The following ZNF462 variants were observed in gnomAD, a reference collection of about 807,000 sequenced individuals.
ZNF462 encodes zinc finger protein 462, also known as zinc finger PBX1-interacting protein.
Under a neutral mutation model 201.9 loss-of-function variants are expected in ZNF462, and 10 were observed. The observed-to-expected ratio is 0.05, with a 90% confidence interval of 0.03 to 0.08. The LOEUF (loss-of-function observed/expected upper bound fraction) is 0.08. Among genes scored for constraint, ZNF462 ranks in the 10% least tolerant of loss-of-function variants. The pLI is 1.00. For missense variants in ZNF462, 2,523 were observed against 3,168.3 expected (o/e 0.80, Z 4.89); for synonymous variants, 1,227 against 1,193.3 (o/e 1.03, Z -0.58).
chr9:106,922,711 A>G (rs906360068), intron 1 of ZNF462, among the ~76,000 whole-genome samples: 1 of 152,200 alleles, frequency 6.6e-6, no homozygotes, highest in South Asian at 2.1e-4. Flanking sequence ...AAAACAGCAA[A>G]TAGTCATTTA....
intron 1 of ZNF462, among the ~76,000 whole-genome samples, chr9:106,887,366 C>G (rs138415853): frequency 3.3e-5 from 5 of 152,234 alleles, no homozygotes; most frequent in African/African-American, 7.2e-5. Context: ...AAATCCTCTC[C>G]CTCCGTAAAT....
chr9:106,982,775 G>A (rs181000372), intron 9 of ZNF462, among the ~76,000 whole-genome samples: 1 of 152,162 alleles, frequency 6.6e-6, no homozygotes, highest in African/African-American at 2.4e-5. Context: ...TCCCAAGGCA[G>A]TGACTGCCCT....
chr9:106,881,676 A>G (rs1828103086), intron 1 of ZNF462, among the ~76,000 whole-genome samples: 1 of 152,178 alleles, frequency 6.6e-6, no homozygotes, highest in South Asian at 2.1e-4. Flanking sequence ...TGAAATCCCA[A>G]TTGAGGGCTC....
chr9:106,996,402 A>G (rs896194616), intron 10 of ZNF462, among the ~76,000 whole-genome samples: 3 of 152,186 alleles, frequency 2.0e-5, no homozygotes, highest in African/African-American at 7.2e-5. Context: ...GTCTTCCACA[A>G]TGGTTGAAGT....
intron 1 of ZNF462, among the ~76,000 whole-genome samples, chr9:106,863,596 G>GGGAGGAAGAGGAGGA (rs956540191): frequency 2.0e-5 from 3 of 151,516 alleles, no homozygotes; most frequent in South Asian, 2.1e-4. Context: ...GGAGAAGCGA[G>GGGAGGAAGAGGAGGA]GGAGGAAGAG....
chr9:106,970,877 T>A lies in ZNF462; in HGVS notation c.6428-1128T>A, dbSNP rs1826568910. On this transcript the variant is annotated intron_variant, in intron 7 of 12. Coordinates refer to ENST00000277225, the MANE Select transcript of ZNF462 (RefSeq NM_021224.6). The surrounding 1 kb of genome is among the most constrained non-coding windows in gnomAD (Gnocchi z 4.2). ...AAAGAAGAAACGCTGAGATTTCCCC[T>A]CCTCCCTCCTAGATCAGATTTCTCC... Among the ~76,000 whole-genome samples the A allele has an allele frequency of 6.6e-6, 1 of 151,870 alleles. No homozygotes were observed. The highest frequency in any genetic ancestry group is 2.1e-4 in the South Asian group (1 of 4,784).
intron 10 of ZNF462, among the ~76,000 whole-genome samples, chr9:106,998,290 G>T (rs996881140): frequency 2.6e-5 from 4 of 152,150 alleles, no homozygotes. Context: ...TGCCTGCAAT[G>T]TAATCTGAAG....
rs1164236583 is a variant in ZNF462 at position 106,950,065 on chromosome 9, C to T, written c.6427+10958C>T. Among the ~76,000 whole-genome samples, 4 of 152,196 alleles carry T rather than the reference C, an allele frequency of 2.6e-5. No homozygotes were observed. The highest frequency in any genetic ancestry group is 4.4e-5 in the Non-Finnish European group (3 of 68,036). On this transcript the variant is annotated intron_variant, in intron 7 of 12. Coordinates refer to ENST00000277225, the MANE Select transcript of ZNF462 (RefSeq NM_021224.6). The surrounding 1 kb of genome is among the most constrained non-coding windows in gnomAD (Gnocchi z 4.1). ...ATCCTGGTTTCTCTCGTCCCCTCGT[C>T]CTCTGGTTTCCAACTTACCAGACTC...
chr9:106,922,014 G>C (rs2131413168), intron 1 of ZNF462, among the ~76,000 whole-genome samples: 1 of 152,330 alleles, frequency 6.6e-6, no homozygotes, highest in East Asian at 1.9e-4. Flanking sequence ...AGTTATTTTA[G>C]CAGGCGATCA....
At chr9:106,964,683 T>C (rs1420833659) in intron 7 of ZNF462, among the ~76,000 whole-genome samples, 1 of 152,126 alleles carries the variant, frequency 6.6e-6, no homozygotes, top group East Asian at 1.9e-4. Flanking sequence ...AATTTTTTTT[T>C]AGCAACTTGA....
rs1461523243 is a variant in ZNF462 at position 106,917,845 on chromosome 9, T to C, written c.-30-5509T>C. 1.3e-5 allele frequency among the ~76,000 whole-genome samples: 2 copies of C among 149,220 alleles called. No individual in the cohort carries two copies. The highest frequency in any genetic ancestry group is 2.5e-5 in the African/African-American group (1 of 40,346). On this transcript the variant is annotated intron_variant, in intron 1 of 12. Transcript: ENST00000277225. The surrounding 1 kb of genome is among the most constrained non-coding windows in gnomAD (Gnocchi z 4.5). ...GTTTATTTTGCTGGTTTATTATTTTTTTATATTTATTTATTTATTTATTTA... is the reference window on the plus strand; with the variant it reads ...GTTTATTTTGCTGGTTTATTATTTTCTTATATTTATTTATTTATTTATTTA...
rs1827614970 is a variant in ZNF462, at chr9:106,872,023, C to T, written c.-31+8668C>T. On this transcript the variant is annotated intron_variant, in intron 1 of 12. Transcript: ENST00000277225. The surrounding 1 kb of genome is among the most constrained non-coding windows in gnomAD (Gnocchi z 4.5). ...ACAGGCTGGTCTGTCCTTCCAGTCC[C>T]AGCATTTTAAAATCCAAAATAAGGC... Among the ~76,000 whole-genome samples, 1 of 152,136 alleles carries T rather than the reference C, an allele frequency of 6.6e-6. No homozygotes were observed. Among genetic ancestry groups the T allele is most frequent in the African/African-American group, 2.4e-5 (1 of 41,398 alleles).
chr9:106,945,285 A>T (rs1477912616), intron 7 of ZNF462, among the ~76,000 whole-genome samples: 1 of 152,212 alleles, frequency 6.6e-6, no homozygotes, highest in Non-Finnish European at 1.5e-5. Context: ...TCTAAGAATT[A>T]TGTTGAGTCT....
intron 1 of ZNF462, among the ~76,000 whole-genome samples, chr9:106,907,544 T>G (rs1829322749): frequency 6.6e-6 from 1 of 152,104 alleles, no homozygotes; most frequent in Admixed American, 6.5e-5. Context: ...TACATTTTCC[T>G]TTACATTTTT....
chr9:106,925,011 A>G lies in ZNF462; in HGVS notation c.1099A>G (p.Met367Val), dbSNP rs1441141027. The G allele has an allele frequency of 6.2e-7, 1 of 1,614,208 alleles. No homozygotes were observed. Among genetic ancestry groups the G allele is most frequent in the African/African-American group, 1.3e-5 (1 of 75,054 alleles). Residue 367 changes from methionine to valine, a missense_variant, in exon 3 of 13, where the codon ATG becomes GTG. Met to Val is a conservative substitution (Grantham distance 21). Transcript: ENST00000277225. The surrounding 1 kb of genome is among the most constrained non-coding windows in gnomAD (Gnocchi z 7.9). ...VNLTERSRYG[M>V]TDMTNSSADL... ...CTTGACAGAGAGATCCCGTTATGGAATGACTGACATGACCAATTCTTCTGC... is the reference window on the plus strand; with the variant it reads ...CTTGACAGAGAGATCCCGTTATGGAGTGACTGACATGACCAATTCTTCTGC...
At position 106,890,135 on chromosome 9, in the gene ZNF462, T is replaced by C. The variant is rs1433090706; in HGVS notation, c.-31+26780T>C. 2.0e-5 allele frequency among the ~76,000 whole-genome samples: 3 copies of C among 152,262 alleles called. No homozygotes were observed. Among genetic ancestry groups the C allele is most frequent in the Non-Finnish European group, 4.4e-5 (3 of 68,048 alleles). On this transcript the variant is annotated intron_variant, in intron 1 of 12. Coordinates refer to ENST00000277225, the MANE Select transcript of ZNF462 (RefSeq NM_021224.6). This position sits in a 1 kb window ranked among gnomAD's most constrained non-coding sequence, Gnocchi z 4.2. ...GACTAGGCATACATCATTGTATATATTCTGCCTAAAAGTTTGTAAAATCTA... is the reference window on the plus strand; with the variant it reads ...GACTAGGCATACATCATTGTATATACTCTGCCTAAAAGTTTGTAAAATCTA...
chr9:106,891,642 A>G (rs1246135263), intron 1 of ZNF462, among the ~76,000 whole-genome samples: 1 of 152,214 alleles, frequency 6.6e-6, no homozygotes, highest in African/African-American at 2.4e-5. Flanking sequence ...CATTAGTACC[A>G]TTAATAAATC....
intron 7 of ZNF462, among the ~76,000 whole-genome samples, chr9:106,953,159 A>G (rs1372057490): frequency 1.3e-5 from 2 of 151,978 alleles, no homozygotes; most frequent in Non-Finnish European, 1.5e-5. Context: ...CTTTCTCACC[A>G]CTCACTCTTT....
At position 106,925,391 on chromosome 9, in the gene ZNF462, G is replaced by A. The variant is rs766101340; in HGVS notation, c.1479G>A (p.Thr493=). 5.3e-5 allele frequency: 85 copies of A among 1,614,064 alleles called. No individual in the cohort carries two copies. The East Asian group carries it at 1.0e-3, about 20-fold the overall frequency. The stretch of plus-strand genomic sequence containing the variant: ...TTGGGGCTCACAAACAGTGTCACAC[G>A]GGTACAACGTCAGATTGGGATGCTG... ...LKLGAHKQCH[T]GTTSDWDAVN... Residue 493 remains threonine (T), a synonymous_variant, in exon 3 of 13, where the codon ACG becomes ACA. Transcript: ENST00000277225. This position sits in a 1 kb window ranked among gnomAD's most constrained non-coding sequence, Gnocchi z 7.9.
Sources: allele counts gnomAD v4.1 joint callset (sites outside exome capture counted in the v4.1 genomes callset), GRCh38; gene constraint gnomAD v4.1.1; non-coding constraint Gnocchi (gnomAD v3.1); transcripts MANE v1.5; gene names NCBI Gene and HGNC (gene_info 2026-07-23, HGNC 2026-07-21).